RAB6A: variants seen among roughly 807,000 people sequenced by gnomAD.
RAB6A encodes ras-related protein Rab-6A.
In RAB6A, 8 loss-of-function variants were observed where a neutral mutation model predicts 32.3. The ratio of observed to expected loss-of-function variants is 0.25; its 90% CI spans 0.15 to 0.45. The LOEUF is 0.45. RAB6A is among the 20% of genes least tolerant of loss of function. The probability of loss-of-function intolerance (pLI) is 1.00; values close to 1 mark genes in which losing one functional copy is unlikely to be tolerated. For missense variants in RAB6A, 104 were observed against 249.4 expected (o/e 0.42, Z 3.93); for synonymous variants, 73 against 82.1 (o/e 0.89, Z 0.60).
intron 2 of RAB6A, among the ~76,000 whole-genome samples, chr11:73,728,662 AAT>A (rs1946261506): frequency 7.3e-6 from 1 of 136,762 alleles, no homozygotes; most frequent in Non-Finnish European, 1.6e-5. Flanking sequence ...AAATAAAAAT[AAT>A]AGTGTATATC....
chr11:73,712,777 T>C (rs975223668), intron 5 of RAB6A, among the ~76,000 whole-genome samples: 8 of 149,872 alleles, frequency 5.3e-5, no homozygotes, highest in African/African-American at 9.8e-5. Flanking sequence ...TGGGGTGCAG[T>C]GACACGATCT....
intron 6 of RAB6A, among the ~76,000 whole-genome samples, chr11:73,703,013 C>T (rs1156938724): frequency 2.6e-5 from 4 of 151,846 alleles, no homozygotes; most frequent in Non-Finnish European, 5.9e-5. Context: ...TATGAGACCA[C>T]ATCCAGCTAA....
At chr11:73,707,711 CT>C (rs915639926) in intron 5 of RAB6A, among the ~76,000 whole-genome samples, 198 bp from the exon 6 acceptor site, 8 of 151,900 alleles carry the variant, frequency 5.3e-5, no homozygotes, top group Non-Finnish European at 1.2e-4. Flanking sequence ...TTTTTAAAGA[CT>C]TTTTTTTGTT....
At chr11:73,722,324 TATATATATATATATA>T (rs1565364846) in intron 2 of RAB6A, 8 of 9,534 alleles carry the variant, frequency 8.4e-4, no homozygotes, top group African/African-American at 2.7e-3. Context: ...TATATATATA[TATATATATATATATA>T]TATATTTTTT....
intron 6 of RAB6A, among the ~76,000 whole-genome samples, chr11:73,680,131 T>C (rs1008375815): frequency 6.6e-6 from 1 of 151,954 alleles, no homozygotes; most frequent in Admixed American, 6.6e-5. Context: ...TAAAATAAAA[T>C]GTCTATTCAT....
At chr11:73,757,305 A>T (rs1946777213) in intron 1 of RAB6A, among the ~76,000 whole-genome samples, 1 of 149,474 alleles carries the variant, frequency 6.7e-6, no homozygotes, top group African/African-American at 2.5e-5. Context: ...CCGCCATCAT[A>T]CCTGGATAAT....
At chr11:73,702,382 G>C (rs1460738920) in intron 6 of RAB6A, among the ~76,000 whole-genome samples, 1 of 152,176 alleles carries the variant, frequency 6.6e-6, no homozygotes, top group East Asian at 1.9e-4. Context: ...ATGTTGACCA[G>C]GATGGTTTTG....
intron 2 of RAB6A, among the ~76,000 whole-genome samples, chr11:73,721,929 G>GT (rs1946137589): frequency 6.6e-6 from 1 of 152,066 alleles, no homozygotes; most frequent in Non-Finnish European, 1.5e-5. Context: ...ATAGAATTTT[G>GT]TGTGTGTCAT....
At chr11:73,716,458 G>T in intron 4 of RAB6A, 96 bp from the exon 5 acceptor site, 1 of 784,834 alleles carries the variant, frequency 1.3e-6, no homozygotes, top group African/African-American at 1.7e-5. Flanking sequence ...GAAGTTGGAA[G>T]GGGGCTGGCA....
At chr11:73,725,577 G>T (rs1265080325) in intron 2 of RAB6A, among the ~76,000 whole-genome samples, 9 of 152,154 alleles carry the variant, frequency 5.9e-5, no homozygotes, top group Admixed American at 5.9e-4. Flanking sequence ...AGAATCAGAA[G>T]CAAGCGAAAA....
chr11:73,702,099 T>G (rs767136481), intron 6 of RAB6A, among the ~76,000 whole-genome samples: 2 of 152,244 alleles, frequency 1.3e-5, no homozygotes, highest in African/African-American at 4.8e-5. Context: ...GTTGTTGTTA[T>G]AGGTTTCAAT....
chr11:73,757,994 T>C (rs994542746), intron 1 of RAB6A, among the ~76,000 whole-genome samples: 7 of 152,322 alleles, frequency 4.6e-5, no homozygotes, highest in Non-Finnish European at 7.4e-5. Flanking sequence ...AATAAGATAA[T>C]TGTAAATGTG....
At position 73,760,631 on chromosome 11, in the gene RAB6A, G is replaced by A; in HGVS notation, c.5C>T (p.Ser2Phe). Reference sequence around the variant, plus strand: ...CGGATTCCCGAAGTCTCCGCCCGTGGACATTGTGGAACTAGAGGAGCGGCC... The same window carrying A: ...CGGATTCCCGAAGTCTCCGCCCGTGAACATTGTGGAACTAGAGGAGCGGCC... M[S>F]TGGDFGNPLR... Residue 2 changes from serine to phenylalanine, a missense_variant, in exon 1 of 8, where the codon TCC becomes TTC. Coordinates refer to ENST00000336083, the MANE Select transcript of RAB6A (RefSeq NM_198896.2). 1 of 1,610,006 alleles carries A rather than the reference G, an allele frequency of 6.2e-7. No individual in the cohort carries two copies. The highest frequency in any genetic ancestry group is 8.5e-7 in the Non-Finnish European group (1 of 1,178,354).
At chr11:73,682,960 A>C (rs929584476) in intron 6 of RAB6A, among the ~76,000 whole-genome samples, 1 of 152,178 alleles carries the variant, frequency 6.6e-6, no homozygotes, top group Admixed American at 6.5e-5. Flanking sequence ...CATTAGGAAA[A>C]ACTCCAATGT....
At chr11:73,680,837 G>A (rs1436788871) in intron 6 of RAB6A, among the ~76,000 whole-genome samples, 1 of 152,142 alleles carries the variant, frequency 6.6e-6, no homozygotes, top group East Asian at 1.9e-4. Context: ...CAGTGGGAGT[G>A]GCTGGCTTGT....
At chr11:73,708,723 A>G (rs1365667939) in intron 5 of RAB6A, among the ~76,000 whole-genome samples, 1 of 152,216 alleles carries the variant, frequency 6.6e-6, no homozygotes, top group Non-Finnish European at 1.5e-5. Context: ...TTAAACTATC[A>G]GCTGACAAAC....
chr11:73,755,286 T>C (rs1311740060), intron 1 of RAB6A, among the ~76,000 whole-genome samples: 1 of 150,730 alleles, frequency 6.6e-6, no homozygotes, highest in Non-Finnish European at 1.5e-5. Context: ...ATACAGTAAA[T>C]GTTGATATAT....
intron 5 of RAB6A, among the ~76,000 whole-genome samples, chr11:73,710,685 C>T (rs959080154): frequency 6.6e-6 from 1 of 151,150 alleles, no homozygotes; most frequent in Non-Finnish European, 1.5e-5. Flanking sequence ...TGCAGTGAGC[C>T]GAGGTTGTGC....
chr11:73,732,146 A>G (rs920164644), intron 1 of RAB6A, among the ~76,000 whole-genome samples: 2 of 152,164 alleles, frequency 1.3e-5, no homozygotes, highest in East Asian at 1.9e-4. Context: ...GGCAAAAACC[A>G]TATCTGATTA....
Sources: gnomAD v4.1 joint callset for allele counts (sites outside exome capture counted in the v4.1 genomes callset) on GRCh38, gnomAD v4.1.1 for gene constraint, MANE v1.5 for transcripts, NCBI Gene and HGNC (gene_info 2026-07-23, HGNC 2026-07-21) for gene names.